TTLL7: variants seen among roughly 807,000 people sequenced by gnomAD.
TTLL7 encodes tubulin polyglutamylase TTLL7.
Under a neutral mutation model 120.2 loss-of-function variants are expected in TTLL7, and 53 were observed. That is an observed-to-expected ratio of 0.44 (90% CI 0.35 to 0.55). The LOEUF (loss-of-function observed/expected upper bound fraction) is 0.55. Among genes scored for constraint, TTLL7 ranks in the 20% least tolerant of loss-of-function variants. TTLL7 has a pLI of 0.00. For missense variants in TTLL7, 803 were observed against 1,054.7 expected (o/e 0.76, Z 3.31); for synonymous variants, 353 against 351.7 (o/e 1.00, Z -0.04).
At position 83,868,931 on chromosome 1, in the gene TTLL7, ATTTATT is replaced by A. The variant is rs1484419360; in HGVS notation, c.*1025_*1030del. 1.3e-5 allele frequency: 2 copies of A among 150,072 alleles called. No homozygotes were observed. Among genetic ancestry groups the A allele is most frequent in the Admixed American group, 6.6e-5 (1 of 15,070 alleles). 9.3% of individuals were successfully genotyped at this position (150,072 alleles called of 1,614,324 possible). ...CATTGGATTGTCTTCCATTTTATTT[ATTTATT>A]TTTATCTTCTTTTTATTTATTTATT... On this transcript the variant is annotated 3_prime_UTR_variant, in exon 21 of 21. Coordinates refer to ENST00000260505, the MANE Select transcript of TTLL7 (RefSeq NM_024686.6).
At chr1:83,997,717 C>T (rs1653612219) in intron 1 of TTLL7, among the ~76,000 whole-genome samples, 1 of 152,154 alleles carries the variant, frequency 6.6e-6, no homozygotes, top group South Asian at 2.1e-4. Flanking sequence ...CAGTCGCACA[C>T]CTCATGAACT....
intron 10 of TTLL7, 67 bp downstream of exon 10, chr1:83,929,069 A>G (rs1238103631): frequency 1.0e-5 from 10 of 967,430 alleles, no homozygotes; most frequent in Middle Eastern, 2.3e-4. Flanking sequence ...AGCCAATTTT[A>G]TGTACAAATG....
chr1:83,884,292 G>A (rs1654779653), intron 19 of TTLL7, among the ~76,000 whole-genome samples: 2 of 151,830 alleles, frequency 1.3e-5, no homozygotes, highest in African/African-American at 4.8e-5. Context: ...CCCTCAGAGA[G>A]AAAAGCACAG....
At chr1:83,870,129 C>T in intron 20 of TTLL7, 47 bp from the exon 21 acceptor site, 2 of 1,507,294 alleles carry the variant, frequency 1.3e-6, no homozygotes, top group Non-Finnish European at 8.8e-7. Flanking sequence ...CAAATTATAA[C>T]TAACTCACTA....
chr1:83,925,716 T>C (rs1217669109), intron 10 of TTLL7, among the ~76,000 whole-genome samples: 6 of 152,196 alleles, frequency 3.9e-5, no homozygotes, highest in Non-Finnish European at 8.8e-5. Flanking sequence ...ACCATTGTAT[T>C]GTACTTATCT....
chr1:83,980,685 G>A (rs1302201422), intron 1 of TTLL7: 1 of 152,106 alleles, frequency 6.6e-6, no homozygotes, highest in African/African-American at 2.4e-5. Context: ...GAGATCTTCA[G>A]AAAGGAAAGA....
At chr1:83,947,674 T>C (rs537947597) in intron 5 of TTLL7, 2 of 154,878 alleles carry the variant, frequency 1.3e-5, no homozygotes, top group Admixed American at 6.5e-5. Context: ...ACTAAAGGCA[T>C]ATAAGGCAAG....
intron 1 of TTLL7, 99 bp from the exon 2 acceptor site, chr1:83,952,486 A>C: frequency 5.9e-6 from 2 of 337,888 alleles, no homozygotes; most frequent in East Asian, 9.9e-5. Flanking sequence ...GGTGAAAGTT[A>C]ATGTGTTCAA....
At chr1:83,959,666 A>G (rs1400528091) in intron 1 of TTLL7, among the ~76,000 whole-genome samples, 2 of 152,104 alleles carry the variant, frequency 1.3e-5, no homozygotes, top group Admixed American at 6.6e-5. Context: ...AAATAATTAA[A>G]CTTATAAGGA....
chr1:83,907,042 G>T (rs1053507050), intron 16 of TTLL7, among the ~76,000 whole-genome samples: 8 of 151,936 alleles, frequency 5.3e-5, no homozygotes, highest in African/African-American at 1.4e-4. Flanking sequence ...AAATAACATT[G>T]TACTTAAGTG....
chr1:83,988,565 G>A (rs1016786190), intron 1 of TTLL7, among the ~76,000 whole-genome samples: 5 of 152,074 alleles, frequency 3.3e-5, no homozygotes, highest in East Asian at 1.9e-4. Context: ...TTGACTTTTC[G>A]TTAGTTGCCA....
Position 83,919,807 on chromosome 1 carries a change from T to A in TTLL7, c.1392A>T (p.Ala464=), listed in dbSNP as rs1376213175. The A allele has an allele frequency of 1.2e-6, 2 of 1,612,016 alleles. No homozygotes were observed. The highest frequency in any genetic ancestry group is 2.2e-5 in the East Asian group (1 of 44,806). Residue 464 remains alanine, a synonymous_variant, in exon 13 of 21, where the codon GCA becomes GCT. Coordinates refer to ENST00000260505, the MANE Select transcript of TTLL7 (RefSeq NM_024686.6). ...YRRIYPPEDK[A]LLEKYENLLA... The stretch of plus-strand genomic sequence containing the variant: ...ACAAATTTTCATACTTTTCAAGTAA[T>A]GCTTTATCTTCAGGAGGATAAATTC...
At chr1:83,909,610 A>C (rs1657512086) in intron 15 of TTLL7, among the ~76,000 whole-genome samples, 1 of 152,096 alleles carries the variant, frequency 6.6e-6, no homozygotes, top group Non-Finnish European at 1.5e-5. Flanking sequence ...ATAACTAATA[A>C]AAAAGACATG....
At chr1:83,941,468 A>G (rs947611266) in intron 7 of TTLL7, among the ~76,000 whole-genome samples, 1 of 152,206 alleles carries the variant, frequency 6.6e-6, no homozygotes, top group Non-Finnish European at 1.5e-5. Flanking sequence ...GAAAAGTTTG[A>G]CAGTTTCCTT....
intron 1 of TTLL7, among the ~76,000 whole-genome samples, chr1:83,998,259 A>C (rs564083491): frequency 6.6e-6 from 1 of 152,356 alleles, no homozygotes; most frequent in South Asian, 2.1e-4. Context: ...AATACGATAT[A>C]TAAAAGTAAG....
intron 19 of TTLL7, among the ~76,000 whole-genome samples, chr1:83,885,614 T>A (rs971529175): frequency 6.6e-6 from 1 of 152,012 alleles, no homozygotes; most frequent in Non-Finnish European, 1.5e-5. Flanking sequence ...TATATATTAA[T>A]CCATATTTAG....
At chr1:83,932,848 A>G (rs1343593360) in intron 9 of TTLL7, among the ~76,000 whole-genome samples, 1 of 152,176 alleles carries the variant, frequency 6.6e-6, no homozygotes, top group Non-Finnish European at 1.5e-5. Context: ...GTGTAAACCC[A>G]GATCAAGGAG....
intron 20 of TTLL7, among the ~76,000 whole-genome samples, chr1:83,874,343 G>A (rs746575397): frequency 1.3e-5 from 2 of 151,994 alleles, no homozygotes; most frequent in African/African-American, 4.8e-5. Context: ...TCTATTATAT[G>A]TGTATACCAT....
intron 1 of TTLL7, among the ~76,000 whole-genome samples, chr1:83,987,281 A>C (rs751821349): frequency 9.9e-5 from 15 of 152,014 alleles, no homozygotes; most frequent in African/African-American, 2.4e-4. Flanking sequence ...AAATTAAAAA[A>C]ATATAAAATC....
Sources: gnomAD v4.1 joint callset for allele counts (sites outside exome capture counted in the v4.1 genomes callset) on GRCh38, gnomAD v4.1.1 for gene constraint, MANE v1.5 for transcripts, NCBI Gene and HGNC (gene_info 2026-07-23, HGNC 2026-07-21) for gene names.